NTM: variants seen among roughly 807,000 people sequenced by gnomAD.
NTM encodes neurotrimin.
Under a neutral mutation model 42.1 loss-of-function variants are expected in NTM, and 13 were observed. The observed-to-expected ratio is 0.31, with a 90% CI of 0.20 to 0.49. The LOEUF (loss-of-function observed/expected upper bound fraction) is 0.49. NTM is among the 20% of genes least tolerant of loss of function. NTM has a pLI of 0.99. For missense variants in NTM, 373 were observed against 452.8 expected (o/e 0.82, Z 1.60); for synonymous variants, 187 against 179.2 (o/e 1.04, Z -0.35).
At chr11:132,325,051 T>A (rs2095649661) in intron 7 of NTM, among the ~76,000 whole-genome samples, 1 of 151,412 alleles carries the variant, frequency 6.6e-6, no homozygotes, top group Non-Finnish European at 1.5e-5. Flanking sequence ...ACGTTAGACC[T>A]AAAACCATAA....
intron 1 of NTM, among the ~76,000 whole-genome samples, chr11:131,437,544 T>G (rs534576421): frequency 2.6e-5 from 4 of 151,904 alleles, no homozygotes; most frequent in South Asian, 2.1e-4. Flanking sequence ...TGTAATGGCC[T>G]TCTTTGTCTC....
intron 1 of NTM, among the ~76,000 whole-genome samples, chr11:131,864,973 C>T (rs747958960): frequency 1.4e-4 from 21 of 152,332 alleles, no homozygotes; most frequent in Admixed American, 6.5e-4. Context: ...TTGGCAACCT[C>T]TCCCGCACCG....
At chr11:132,332,392 AGAT>A (rs1324283088) in intron 8 of NTM, 2 of 152,226 alleles carry the variant, frequency 1.3e-5, no homozygotes, top group East Asian at 1.9e-4. Flanking sequence ...CCTGAGATGG[AGAT>A]GATGATGATG....
chr11:132,052,585 G>A lies in NTM; in HGVS notation c.168-93697G>A, dbSNP rs61901974. Reference sequence around the variant, plus strand: ...TAATAACATTTTCCGGCAAGAAACAGCAGGAAATCTAACAGACAGGAATTA... The same window carrying A: ...TAATAACATTTTCCGGCAAGAAACAACAGGAAATCTAACAGACAGGAATTA... On this transcript the variant is annotated intron_variant, in intron 2 of 8. Transcript: ENST00000683400. Among the ~76,000 whole-genome samples, 1,483 of 152,284 alleles carry A rather than the reference G, an allele frequency of 9.7e-3. 13 individuals are homozygous for A. Among genetic ancestry groups the A allele is most frequent in the Non-Finnish European group, 0.012 (847 of 68,018 alleles).
chr11:132,255,406 T>A, intron 4 of NTM, among the ~76,000 whole-genome samples: 1 of 152,214 alleles, frequency 6.6e-6, no homozygotes, highest in East Asian at 1.9e-4. Flanking sequence ...GAAGTGGCTC[T>A]GACGGTGTTC....
intron 1 of NTM, among the ~76,000 whole-genome samples, chr11:131,657,395 G>A (rs912019705): frequency 5.3e-5 from 8 of 152,236 alleles, no homozygotes; most frequent in South Asian, 2.1e-4. Flanking sequence ...AGAATAAAGG[G>A]CAGAGGGTGG....
intron 1 of NTM, among the ~76,000 whole-genome samples, chr11:131,565,972 G>T (rs2056839872): frequency 6.6e-6 from 1 of 152,142 alleles, no homozygotes; most frequent in Non-Finnish European, 1.5e-5. Flanking sequence ...AAAACACTGG[G>T]TTTTAGAAAA....
At chr11:131,564,999 G>C (rs2056713351) in intron 1 of NTM, among the ~76,000 whole-genome samples, 1 of 152,212 alleles carries the variant, frequency 6.6e-6, no homozygotes, top group East Asian at 1.9e-4. Context: ...ACACCGCCAT[G>C]CGGTATGGGA....
At chr11:132,040,915 G>A (rs1317110141) in intron 2 of NTM, among the ~76,000 whole-genome samples, 1 of 152,000 alleles carries the variant, frequency 6.6e-6, no homozygotes, top group Non-Finnish European at 1.5e-5. Context: ...TGTCCTTATT[G>A]GTTTAAAAAA....
chr11:131,595,682 A>G (rs2059756333), intron 1 of NTM, among the ~76,000 whole-genome samples: 1 of 152,246 alleles, frequency 6.6e-6, no homozygotes, highest in Admixed American at 6.5e-5. Flanking sequence ...TGGGCTGTGT[A>G]CAGATGAAGG....
At chr11:131,395,457 CT>C (rs1388906522) in intron 1 of NTM, among the ~76,000 whole-genome samples, 3 of 152,158 alleles carry the variant, frequency 2.0e-5, no homozygotes, top group Non-Finnish European at 2.9e-5. Flanking sequence ...CATGTGCAAA[CT>C]TTTTTCTCTC....
intron 1 of NTM, among the ~76,000 whole-genome samples, chr11:131,843,248 T>G (rs902654705): frequency 1.3e-5 from 2 of 152,154 alleles, no homozygotes; most frequent in Admixed American, 1.3e-4. Context: ...TGCTCCTGTC[T>G]CCCCTCTCCA....
intron 2 of NTM, among the ~76,000 whole-genome samples, chr11:132,120,053 A>C (rs1274698365): frequency 6.6e-6 from 1 of 152,236 alleles, no homozygotes; most frequent in African/African-American, 2.4e-5. Context: ...CACGCGAATC[A>C]GGACCCCCGT....
At chr11:132,326,070 T>C (rs2136357337) in intron 7 of NTM, among the ~76,000 whole-genome samples, 1 of 152,206 alleles carries the variant, frequency 6.6e-6, no homozygotes, top group Non-Finnish European at 1.5e-5. Flanking sequence ...TAATGCTAAA[T>C]GACGAGTTAA....
In NTM at chr11:131,794,004, C is replaced by T. The variant is rs149629746; in HGVS notation, c.83-117560C>T. 2.4e-3 allele frequency among the ~76,000 whole-genome samples: 364 copies of T among 152,268 alleles called. 2 individuals are homozygous for T. Among genetic ancestry groups the T allele is most frequent in the African/African-American group, 8.1e-3 (337 of 41,546 alleles). ...CTCAATATTTATCATTTTTCTAAGCCGAGACTGTGGGACAGATGGGATAAC... is the reference window on the plus strand; with the variant it reads ...CTCAATATTTATCATTTTTCTAAGCTGAGACTGTGGGACAGATGGGATAAC... On this transcript the variant is annotated intron_variant, in intron 1 of 8. Transcript: ENST00000683400.
At chr11:131,997,211 A>G (rs2068219746) in intron 2 of NTM, among the ~76,000 whole-genome samples, 1 of 152,148 alleles carries the variant, frequency 6.6e-6, no homozygotes, top group African/African-American at 2.4e-5. Flanking sequence ...TGACAGCCAG[A>G]GTGGCTTTGC....
intron 1 of NTM, among the ~76,000 whole-genome samples, chr11:131,889,998 A>C: frequency 6.7e-6 from 1 of 150,172 alleles, no homozygotes; most frequent in East Asian, 2.0e-4. Flanking sequence ...GTTCACAGAG[A>C]CTCCTCCTTC....
Position 131,658,547 on chromosome 11 carries a change from C to T in NTM, c.83-253017C>T, listed in dbSNP as rs554891174. Among the ~76,000 whole-genome samples the T allele has an allele frequency of 1.7e-3, 255 of 152,298 alleles. 2 individuals carry two copies. Among genetic ancestry groups the T allele is most frequent in the African/African-American group, 5.8e-3 (241 of 41,554 alleles). On this transcript the variant is annotated intron_variant, in intron 1 of 8. Transcript: ENST00000683400. Reference sequence around the variant, plus strand: ...ATTCAAGAGTAATAGAGGATGCAGACGAGGACGGCATGCCTTGCTCTGATT... The same window carrying T: ...ATTCAAGAGTAATAGAGGATGCAGATGAGGACGGCATGCCTTGCTCTGATT...
In NTM at chr11:131,772,729, C is replaced by T. The variant is rs150258927; in HGVS notation, c.83-138835C>T. Among the ~76,000 whole-genome samples, 766 of 152,296 alleles carry T rather than the reference C, an allele frequency of 5.0e-3. 5 individuals carry two copies. The highest frequency in any genetic ancestry group is 0.015 in the African/African-American group (635 of 41,558). Reference sequence around the variant, plus strand: ...CATAAGGACTCCTAATCCATGGAAACTGCGAGATAACAAATTTGTGTTGCT... The same window carrying T: ...CATAAGGACTCCTAATCCATGGAAATTGCGAGATAACAAATTTGTGTTGCT... On this transcript the variant is annotated intron_variant, in intron 1 of 8. Transcript: ENST00000683400.
Sources: allele counts gnomAD v4.1 joint callset (sites outside exome capture counted in the v4.1 genomes callset), GRCh38; gene constraint gnomAD v4.1.1; transcripts MANE v1.5; gene names NCBI Gene and HGNC (gene_info 2026-07-23, HGNC 2026-07-21).